GRK5: variants seen among roughly 807,000 people sequenced by gnomAD.
GRK5 encodes G protein-coupled receptor kinase 5, also known as g protein-coupled receptor kinase GRK5.
In GRK5, 40 loss-of-function variants were observed where a neutral mutation model predicts 78.4. The observed-to-expected ratio is 0.51, with a 90% confidence interval of 0.40 to 0.66. GRK5 has a LOEUF of 0.66. Among genes scored for constraint, GRK5 ranks in the 30% least tolerant of loss-of-function variants. The pLI is 0.00. For missense variants in GRK5, 598 were observed against 759.9 expected (o/e 0.79, Z 2.50); for synonymous variants, 289 against 296.8 (o/e 0.97, Z 0.27).
chr10:119,346,276 C>G (rs963765265), intron 2 of GRK5, among the ~76,000 whole-genome samples: 1 of 152,286 alleles, frequency 6.6e-6, no homozygotes, highest in Middle Eastern at 3.4e-3. Context: ...AGAGGTCCCC[C>G]GGAGCATGCC....
chr10:119,418,562 CCTGA>C (rs368917807), intron 4 of GRK5, among the ~76,000 whole-genome samples: 274 of 152,310 alleles, frequency 1.8e-3, no homozygotes, highest in African/African-American at 6.4e-3. Context: ...TGGGTGTCAC[CCTGA>C]CTGTCATCAG....
At chr10:119,208,683 A>G (rs1011048394) in intron 1 of GRK5, 6 of 152,214 alleles carry the variant, frequency 3.9e-5, no homozygotes, top group African/African-American at 9.7e-5. Context: ...TACGTTTTCT[A>G]TGCAAATCAT....
chr10:119,278,624 T>G (rs965822144), intron 1 of GRK5, among the ~76,000 whole-genome samples: 1 of 152,154 alleles, frequency 6.6e-6, no homozygotes, highest in Non-Finnish European at 1.5e-5. Context: ...CTCTCCCTCC[T>G]CTTTTCTTCT....
intron 1 of GRK5, among the ~76,000 whole-genome samples, chr10:119,302,781 G>A (rs906085677): frequency 1.1e-4 from 16 of 152,282 alleles, no homozygotes; most frequent in African/African-American, 3.8e-4. Flanking sequence ...GGCCTGGCAG[G>A]CTCCTTCCAC....
At chr10:119,349,483 C>A (rs961979376) in intron 2 of GRK5, among the ~76,000 whole-genome samples, 15 of 152,198 alleles carry the variant, frequency 9.9e-5, no homozygotes, top group Admixed American at 9.8e-4. Context: ...GAGGCAGTTA[C>A]CCGCCTGTAC....
At position 119,355,303 on chromosome 10, in the gene GRK5, A is replaced by G. The variant is rs999794788; in HGVS notation, c.149-25512A>G. Among the ~76,000 whole-genome samples, 6 of 152,186 alleles carry G rather than the reference A, an allele frequency of 3.9e-5. No homozygotes were observed. In the East Asian group the frequency reaches 9.6e-4, roughly 24 times the overall value. On this transcript the variant is annotated intron_variant, in intron 2 of 15. Coordinates refer to ENST00000392870, the MANE Select transcript of GRK5 (RefSeq NM_005308.3). ...GTTGATGAACACTTAGATTGTTTCT[A>G]TATATTGGCTAGTATAAATAATACT...
rs547099401 is a variant in GRK5 at position 119,448,607 on chromosome 10, T to C, written c.1404+347T>C. ...CTGCCTGGGAGATTTGAGGGTGAAATGAGAACTGAATGGGGAATGCTTTCA... is the reference window on the plus strand; with the variant it reads ...CTGCCTGGGAGATTTGAGGGTGAAACGAGAACTGAATGGGGAATGCTTTCA... On this transcript the variant is annotated intron_variant, in intron 13 of 15. Coordinates refer to ENST00000392870, the MANE Select transcript of GRK5 (RefSeq NM_005308.3). 1.2e-4 allele frequency among the ~76,000 whole-genome samples: 19 copies of C among 152,292 alleles called. No individual in the cohort carries two copies. In the South Asian group the frequency reaches 3.7e-3, roughly 30 times the overall value.
In GRK5 at chr10:119,264,026, A is replaced by G. The variant is rs1475057921; in HGVS notation, c.52+56057A>G. 1.3e-5 allele frequency among the ~76,000 whole-genome samples: 2 copies of G among 152,220 alleles called. No homozygotes were observed. The highest frequency in any genetic ancestry group is 2.9e-5 in the Non-Finnish European group (2 of 68,032). On this transcript the variant is annotated intron_variant, in intron 1 of 15. Transcript: ENST00000392870. The surrounding 1 kb of genome is among the most constrained non-coding windows in gnomAD (Gnocchi z 4.1). ...TTTTCCCTGACACACATTCTGCAAG[A>G]GAAGACAGATGGCAGGCAGGAGGCA...
chr10:119,290,972 G>A (rs753321758), intron 1 of GRK5, among the ~76,000 whole-genome samples: 1 of 152,146 alleles, frequency 6.6e-6, no homozygotes, highest in Non-Finnish European at 1.5e-5. Context: ...AGCCCAGGAT[G>A]GAGTGAGGAG....
At position 119,442,051 on chromosome 10, in the gene GRK5, C is replaced by T; in HGVS notation, c.1020C>T (p.Asp340=). 1 of 1,614,076 alleles carries T rather than the reference C, an allele frequency of 6.2e-7. No individual in the cohort carries two copies. The highest frequency in any genetic ancestry group is 8.5e-7 in the Non-Finnish European group (1 of 1,179,976). ...LGLAVKIPEG[D]LIRGRVGTVG... is the part of the protein sequence containing the mutation. ...TGGCTGTGAAGATCCCCGAGGGAGA[C>T]CTGATCCGCGGCCGGGTGGGCACTG... Residue 340 remains aspartate (D), a synonymous_variant, in exon 11 of 16, where the codon GAC becomes GAT. Coordinates refer to ENST00000392870, the MANE Select transcript of GRK5 (RefSeq NM_005308.3).
intron 1 of GRK5, among the ~76,000 whole-genome samples, chr10:119,248,192 G>C (rs78947655): frequency 0.021 from 3,215 of 152,040 alleles, 56 homozygotes; most frequent in Admixed American, 0.054. Context: ...TTAAATTTTT[G>C]TGTGGAGAAA....
intron 1 of GRK5, among the ~76,000 whole-genome samples, chr10:119,212,356 A>T (rs1392174203): frequency 1.3e-5 from 2 of 152,240 alleles, no homozygotes; most frequent in Non-Finnish European, 2.9e-5. Context: ...TGCTTGTCAG[A>T]TTCTAAACTC....
At chr10:119,348,592 T>C (rs537838680) in intron 2 of GRK5, among the ~76,000 whole-genome samples, 8 of 152,338 alleles carry the variant, frequency 5.3e-5, no homozygotes, top group East Asian at 1.9e-4. Flanking sequence ...CATGTCCTTC[T>C]TCCAGGGCTC....
At chr10:119,321,367 CG>C (rs1462867487) in intron 1 of GRK5, among the ~76,000 whole-genome samples, 1 of 152,206 alleles carries the variant, frequency 6.6e-6, no homozygotes, top group African/African-American at 2.4e-5. Flanking sequence ...TTCTGGAGAT[CG>C]GAAGTCTGAC....
At chr10:119,236,914 G>T (rs557744828) in intron 1 of GRK5, among the ~76,000 whole-genome samples, 45 of 152,060 alleles carry the variant, frequency 3.0e-4, no homozygotes, top group African/African-American at 1.1e-3. Context: ...AATATTGATT[G>T]TCTCTTTTGT....
intron 2 of GRK5, among the ~76,000 whole-genome samples, chr10:119,351,847 AAAG>A (rs1314757781): frequency 6.6e-6 from 1 of 152,256 alleles, no homozygotes; most frequent in Non-Finnish European, 1.5e-5. Flanking sequence ...CATAAAGTTC[AAAG>A]AAGTGAAATG....
intron 2 of GRK5, among the ~76,000 whole-genome samples, chr10:119,343,750 A>G (rs1029220599): frequency 2.0e-5 from 3 of 152,198 alleles, no homozygotes; most frequent in African/African-American, 7.2e-5. Context: ...TGCCCCGCAG[A>G]TAGTAGGGAT....
intron 1 of GRK5, among the ~76,000 whole-genome samples, chr10:119,287,289 GAA>G (rs1564877328): frequency 1.0e-5 from 1 of 98,508 alleles, no homozygotes; most frequent in Non-Finnish European, 2.3e-5. Flanking sequence ...AGGGAGAGAA[GAA>G]AGAGGGAAGA....
intron 2 of GRK5, among the ~76,000 whole-genome samples, chr10:119,344,872 C>CCCCT (rs1252036925): frequency 1.4e-5 from 1 of 73,662 alleles, no homozygotes; most frequent in Admixed American, 1.5e-4. Flanking sequence ...ACAAGACCCA[C>CCCCT]CCTTCCTTCC....
Sources: allele counts gnomAD v4.1 joint callset (sites outside exome capture counted in the v4.1 genomes callset), GRCh38; gene constraint gnomAD v4.1.1; non-coding constraint Gnocchi (gnomAD v3.1); transcripts MANE v1.5; gene names NCBI Gene and HGNC (gene_info 2026-07-23, HGNC 2026-07-21).